PRKCB: variants seen among roughly 807,000 people sequenced by gnomAD.
PRKCB encodes protein kinase C beta.
PRKCB carries 13 observed loss-of-function variants against 81.5 expected under a neutral mutation model. That is an observed-to-expected ratio of 0.16 (90% confidence interval 0.10 to 0.25). The LOEUF is 0.25. Ranked by LOEUF, PRKCB falls within the 10% of genes least tolerant of loss-of-function variation. PRKCB has a pLI of 1.00. For synonymous variants in PRKCB, 335 were observed against 321.4 expected (o/e 1.04, Z -0.45); for missense variants, 509 against 875.7 (o/e 0.58, Z 5.29).
At chr16:24,120,143 A>G (rs905519839) in intron 8 of PRKCB, among the ~76,000 whole-genome samples, 1 of 152,220 alleles carries the variant, frequency 6.6e-6, no homozygotes, top group Admixed American at 6.5e-5. Flanking sequence ...TCAAGAACAG[A>G]CAAAACTGAC....
intron 5 of PRKCB, among the ~76,000 whole-genome samples, chr16:24,050,286 A>G (rs1476629972): frequency 6.6e-6 from 1 of 152,152 alleles, no homozygotes; most frequent in Non-Finnish European, 1.5e-5. Context: ...GCCATCATTG[A>G]TGTCAACCCG....
At chr16:24,159,857 C>T (rs1967226402) in intron 10 of PRKCB, among the ~76,000 whole-genome samples, 1 of 152,056 alleles carries the variant, frequency 6.6e-6, no homozygotes, top group Admixed American at 6.5e-5. Context: ...GTGATGCACG[C>T]ACCCGTAGTC....
chr16:24,165,499 T>A (rs553437471), intron 10 of PRKCB, among the ~76,000 whole-genome samples: 8 of 152,212 alleles, frequency 5.3e-5, no homozygotes, highest in African/African-American at 7.2e-5. Flanking sequence ...CGATGAAAGT[T>A]CTAAAACTCA....
intron 2 of PRKCB, among the ~76,000 whole-genome samples, chr16:23,936,476 G>A (rs1290221559): frequency 6.6e-6 from 1 of 151,718 alleles, no homozygotes; most frequent in Non-Finnish European, 1.5e-5. Context: ...ACATTGGTGC[G>A]ATCTTGGCTT....
At chr16:24,067,115 G>C (rs1416108175) in intron 5 of PRKCB, among the ~76,000 whole-genome samples, 2 of 152,314 alleles carry the variant, frequency 1.3e-5, no homozygotes, top group African/African-American at 4.8e-5. Flanking sequence ...GCCTCCTAAA[G>C]TGTTGGGATT....
In PRKCB at chr16:24,165,363, G is replaced by T. The variant is rs1430630631; in HGVS notation, c.1240-6907G>T. On this transcript the variant is annotated intron_variant, in intron 10 of 16. Transcript: ENST00000643927. ...CAGCCACATTCTATTTTAGATTAGG[G>T]TTTGAATTAGTTGTATACTTGTTTT... 3.3e-5 allele frequency among the ~76,000 whole-genome samples: 5 copies of T among 152,312 alleles called. No individual in the cohort carries two copies. In the East Asian group the frequency reaches 7.7e-4, roughly 23 times the overall value.
intron 2 of PRKCB, among the ~76,000 whole-genome samples, chr16:23,934,074 T>A (rs1313128479): frequency 6.6e-6 from 1 of 151,200 alleles, no homozygotes; most frequent in Non-Finnish European, 1.5e-5. Context: ...ACTTTCTTTT[T>A]ACGAAACTTT....
chr16:24,009,900 C>T (rs1354701294), intron 3 of PRKCB, among the ~76,000 whole-genome samples: 1 of 151,890 alleles, frequency 6.6e-6, no homozygotes, highest in African/African-American at 2.4e-5. Context: ...ATCTGTAATC[C>T]CAGCTACTCA....
intron 2 of PRKCB, among the ~76,000 whole-genome samples, chr16:23,897,204 C>A (rs1231409125): frequency 6.6e-6 from 1 of 152,156 alleles, no homozygotes; most frequent in African/African-American, 2.4e-5. Context: ...ATGGGGAAGG[C>A]ACACGTGCTG....
rs751268735 is a variant in PRKCB, at chr16:24,163,027, G to A, written c.1239+8170G>A. Among the ~76,000 whole-genome samples the A allele has an allele frequency of 5.9e-5, 9 of 152,090 alleles. 1 individual carries two copies. The highest frequency in any genetic ancestry group is 3.9e-4 in the Admixed American group (6 of 15,276). On this transcript the variant is annotated intron_variant, in intron 10 of 16. Coordinates refer to ENST00000643927, the MANE Select transcript of PRKCB (RefSeq NM_002738.7). ...CACTGCTCCTGGTAAACATGACTTCGTTAGCTCCTTGCAGTTTGCCTATCT... is the reference window on the plus strand; with the variant it reads ...CACTGCTCCTGGTAAACATGACTTCATTAGCTCCTTGCAGTTTGCCTATCT...
chr16:24,075,506 G>A (rs1966166241), intron 5 of PRKCB, among the ~76,000 whole-genome samples: 1 of 152,242 alleles, frequency 6.6e-6, no homozygotes, highest in Non-Finnish European at 1.5e-5. Context: ...CATGGGACAG[G>A]GAGATAAAGA....
chr16:24,166,088 T>C (rs1472870798), intron 10 of PRKCB, among the ~76,000 whole-genome samples: 1 of 151,994 alleles, frequency 6.6e-6, no homozygotes, highest in Admixed American at 6.6e-5. Context: ...GGTTTCTCCA[T>C]GTTGGCCAGG....
At chr16:24,035,372 C>T (rs370924368) in intron 4 of PRKCB, 47 bp from the exon 5 acceptor site, 6 of 1,596,702 alleles carry the variant, frequency 3.8e-6, no homozygotes, top group Non-Finnish European at 4.3e-6. Context: ...TCTGCAGCCC[C>T]CAGCCTGGGC....
chr16:23,981,992 C>G (rs1964728614), intron 2 of PRKCB, among the ~76,000 whole-genome samples: 1 of 122,734 alleles, frequency 8.1e-6, no homozygotes, highest in Non-Finnish European at 1.7e-5. Flanking sequence ...CTTTCCCTTC[C>G]TTTTCCCTTC....
chr16:23,848,722 C>T (rs1163629972), intron 2 of PRKCB, among the ~76,000 whole-genome samples: 2 of 152,166 alleles, frequency 1.3e-5, no homozygotes, highest in Non-Finnish European at 2.9e-5. Context: ...TGACTTCTTG[C>T]TGTGGGACCT....
At chr16:24,183,664 A>G (rs1258340336) in intron 13 of PRKCB, among the ~76,000 whole-genome samples, 1 of 152,266 alleles carries the variant, frequency 6.6e-6, no homozygotes, top group Non-Finnish European at 1.5e-5. Context: ...GCCACCGAGT[A>G]TCTCATTCAT....
chr16:23,874,876 C>T (rs1269066709), intron 2 of PRKCB, among the ~76,000 whole-genome samples: 1 of 152,130 alleles, frequency 6.6e-6, no homozygotes, highest in East Asian at 1.9e-4. Flanking sequence ...ACTTGTGTTC[C>T]TGGACTTGTA....
chr16:24,070,723 C>T (rs1966096803), intron 5 of PRKCB, among the ~76,000 whole-genome samples: 1 of 152,152 alleles, frequency 6.6e-6, no homozygotes, highest in Non-Finnish European at 1.5e-5. Context: ...ATCCTCCAAG[C>T]CTCCGCAGCC....
intron 5 of PRKCB, among the ~76,000 whole-genome samples, chr16:24,053,077 T>C (rs1401210870): frequency 6.6e-6 from 1 of 152,250 alleles, no homozygotes; most frequent in Non-Finnish European, 1.5e-5. Flanking sequence ...CACTATTTCA[T>C]GGCTCTGACT....
Sources: allele counts gnomAD v4.1 joint callset (sites outside exome capture counted in the v4.1 genomes callset), GRCh38; gene constraint gnomAD v4.1.1; transcripts MANE v1.5; gene names NCBI Gene and HGNC (gene_info 2026-07-23, HGNC 2026-07-21).